RC3H1: variants seen among roughly 807,000 people sequenced by gnomAD.
The protein encoded by RC3H1 is ring finger and CCCH-type domains 1, also known as roquin-1.
Under a neutral mutation model 138.2 loss-of-function variants are expected in RC3H1, and 50 were observed. The observed-to-expected ratio is 0.36, with a 90% confidence interval of 0.29 to 0.46. The LOEUF (loss-of-function observed/expected upper bound fraction) is 0.46, where lower values mean the gene tolerates loss of function less well. RC3H1 is among the 20% of genes least tolerant of loss of function. The probability of loss-of-function intolerance (pLI) is 1.00; values close to 1 mark genes in which losing one functional copy is unlikely to be tolerated. For synonymous variants in RC3H1, 462 were observed against 489.1 expected (o/e 0.94, Z 0.73); for missense variants, 1,031 against 1,388.1 (o/e 0.74, Z 4.09).
chr1:174,013,426 T>C (rs1557953954), intron 1 of RC3H1, among the ~76,000 whole-genome samples: 4 of 151,734 alleles, frequency 2.6e-5, no homozygotes, highest in Middle Eastern at 3.4e-3. Flanking sequence ...ATCCATACAA[T>C]GGAATATTAT....
At position 174,015,364 on chromosome 1, in the gene RC3H1, T is replaced by C. The variant is rs1279593488; in HGVS notation, c.-151+6732A>G. Among the ~76,000 whole-genome samples, 4 of 148,596 alleles carry C rather than the reference T, an allele frequency of 2.7e-5. No homozygotes were observed. In the East Asian group the frequency reaches 6.0e-4, roughly 22 times the overall value. On this transcript the variant is annotated intron_variant, in intron 1 of 19. Transcript: ENST00000367696. ...TCTGTTTCATTCAAAAGTTTTCCAC[T>C]ACACTTTTTTTTTTTTTGAGACAAG...
intron 7 of RC3H1, among the ~76,000 whole-genome samples, chr1:173,973,832 A>G (rs1660464239): frequency 6.6e-6 from 1 of 152,222 alleles, no homozygotes; most frequent in South Asian, 2.1e-4. Flanking sequence ...CAAGTATTCA[A>G]AAAAGTAGTT....
intron 7 of RC3H1, among the ~76,000 whole-genome samples, chr1:173,972,935 C>T (rs1310458594): frequency 6.6e-6 from 1 of 152,206 alleles, no homozygotes; most frequent in Admixed American, 6.5e-5. Context: ...GTGACAGGGA[C>T]TGCTGAACTG....
At chr1:173,947,619 C>G in intron 14 of RC3H1, 37 bp from the exon 15 acceptor site, 1 of 1,529,512 alleles carries the variant, frequency 6.5e-7, no homozygotes, top group South Asian at 1.1e-5. Context: ...ACCCCACACT[C>G]AGATCGCTCT....
intron 13 of RC3H1, among the ~76,000 whole-genome samples, chr1:173,955,890 G>A (rs1362893198): frequency 1.3e-5 from 2 of 152,070 alleles, no homozygotes; most frequent in Non-Finnish European, 2.9e-5. Flanking sequence ...CAACACTTTG[G>A]GAGGCCGAGG....
chr1:173,974,138 G>C (rs1460060190), intron 7 of RC3H1, among the ~76,000 whole-genome samples: 1 of 151,894 alleles, frequency 6.6e-6, no homozygotes, highest in African/African-American at 2.4e-5. Flanking sequence ...AAATTAGCTG[G>C]GCATGGTGGC....
At chr1:173,963,608 A>C (rs1247480144) in intron 11 of RC3H1, among the ~76,000 whole-genome samples, 1 of 152,164 alleles carries the variant, frequency 6.6e-6, no homozygotes, top group African/African-American at 2.4e-5. Flanking sequence ...TAATTTACAC[A>C]CACTATAATA....
chr1:173,962,039 A>G lies in RC3H1; in HGVS notation c.1888T>C (p.Ser630Pro), dbSNP rs1162578990. The part of the protein sequence containing the change: ...CVSRFVRPPP[S>P]APEPAPPYLD... ...TAGGGAGGAGCAGGTTCAGGAGCAG[A>G]TGGTGGAGGTCGGACAAAGCGGGAC... Residue 630 changes from serine to proline, a missense_variant, in exon 12 of 20, where the codon TCT (serine) becomes CCT (proline). Physicochemically the swap from Ser to Pro is moderately conservative, Grantham distance 74 (BLOSUM62 -1). Coordinates refer to ENST00000367696, the MANE Select transcript of RC3H1 (RefSeq NM_172071.4). 6.2e-7 allele frequency: 1 copy of G among 1,614,066 alleles called. No homozygotes were observed.
intron 14 of RC3H1, among the ~76,000 whole-genome samples, chr1:173,950,420 CAAA>C (rs60259705): frequency 6.3e-5 from 4 of 63,648 alleles, no homozygotes; most frequent in East Asian, 5.6e-4. Flanking sequence ...TCATCTCTAC[CAAA>C]AAAAAAAAAA....
intron 9 of RC3H1, among the ~76,000 whole-genome samples, chr1:173,968,908 G>A (rs1444240853): frequency 1.4e-5 from 2 of 143,046 alleles, no homozygotes; most frequent in Non-Finnish European, 3.0e-5. Context: ...GTTCAGGCTG[G>A]AGTGCTACGG....
chr1:173,952,262 CATA>C, intron 13 of RC3H1, 124 bp from the exon 14 acceptor site: 1 of 514,898 alleles, frequency 1.9e-6, no homozygotes, highest in Non-Finnish European at 3.0e-6. Context: ...GCTGAAGCAA[CATA>C]ATGATGATTA....
At position 173,941,666 on chromosome 1, in the gene RC3H1, C is replaced by T. The variant is rs563876132; in HGVS notation, c.3136-286G>A. Among the ~76,000 whole-genome samples the T allele has an allele frequency of 1.1e-3, 175 of 152,282 alleles. 1 individual carries two copies. The highest frequency in any genetic ancestry group is 4.1e-3 in the African/African-American group (171 of 41,570). ...GACCTAGAAAGGCGGCCAGGCATGG[C>T]GGCTCACGCCTGTAATACCAGCAGT... is the stretch of plus-strand genomic sequence containing the variant. On this transcript the variant is annotated intron_variant, in intron 18 of 19. Coordinates refer to ENST00000367696, the MANE Select transcript of RC3H1 (RefSeq NM_172071.4).
At chr1:173,939,951 ATG>A (rs1436097290) in intron 19 of RC3H1, among the ~76,000 whole-genome samples, 4 of 152,248 alleles carry the variant, frequency 2.6e-5, no homozygotes, top group African/African-American at 4.8e-5. Flanking sequence ...ACTTAGGACT[ATG>A]CATTCAAAAG....
Position 173,990,356 on chromosome 1 carries a change from G to A in RC3H1, c.231+2399C>T, listed in dbSNP as rs114551718. Among the ~76,000 whole-genome samples the A allele has an allele frequency of 7.8e-3, 1,182 of 151,954 alleles. 14 individuals are homozygous for A. Among genetic ancestry groups the A allele is most frequent in the African/African-American group, 0.027 (1,131 of 41,460 alleles). ...GGCCTCCCAAACTATTGGGATTATA[G>A]GCATGAGCCACTGCACCCGGTCTAA... On this transcript the variant is annotated intron_variant, in intron 2 of 19. Coordinates refer to ENST00000367696, the MANE Select transcript of RC3H1 (RefSeq NM_172071.4).
intron 7 of RC3H1, among the ~76,000 whole-genome samples, chr1:173,973,364 C>T (rs1298658082): frequency 6.6e-6 from 1 of 151,902 alleles, no homozygotes; most frequent in South Asian, 2.1e-4. Flanking sequence ...TGTGAAACCC[C>T]GTCTCCACTA....
In RC3H1 at chr1:173,938,679, A is replaced by C; in HGVS notation, c.*42T>G. On this transcript the variant is annotated 3_prime_UTR_variant, in exon 20 of 20. Coordinates refer to ENST00000367696, the MANE Select transcript of RC3H1 (RefSeq NM_172071.4). ...CGTTCTCCTACCCCTATGCCCGACA[A>C]ACTGATTAGGAGCAGAAGATAAAAG... is the stretch of plus-strand genomic sequence containing the variant. The C allele has an allele frequency of 6.7e-7, 1 of 1,501,646 alleles. No homozygotes were observed. The highest frequency in any genetic ancestry group is 9.0e-7 in the Non-Finnish European group (1 of 1,108,500). 93.0% of individuals were successfully genotyped at this position (1,501,646 alleles called of 1,614,324 possible). A position where few individuals can be genotyped will look rare whatever the true frequency, so the allele number is the denominator to read the frequency against.
intron 1 of RC3H1, among the ~76,000 whole-genome samples, chr1:174,006,651 T>C (rs953313298): frequency 6.6e-6 from 1 of 152,164 alleles, no homozygotes; most frequent in African/African-American, 2.4e-5. Flanking sequence ...ATGATGCCTG[T>C]TTTGGGTTTA....
At chr1:173,962,384 C>CA (rs1246153315) in intron 11 of RC3H1, among the ~76,000 whole-genome samples, 1 of 151,944 alleles carries the variant, frequency 6.6e-6, no homozygotes, top group Non-Finnish European at 1.5e-5. Flanking sequence ...CACTGGAAAA[C>CA]AAAAAAACTA....
chr1:174,020,175 G>A lies in RC3H1; in HGVS notation c.-151+1921C>T, dbSNP rs1410119428. On this transcript the variant is annotated intron_variant, in intron 1 of 19. Transcript: ENST00000367696. ...TCACAGATTTGAGCACCTGAAAAAC[G>A]GTGTCCTTTCTGAAATATCTGCAAA... 2.7e-5 allele frequency among the ~76,000 whole-genome samples: 4 copies of A among 149,112 alleles called. 1 individual carries two copies. Among genetic ancestry groups the A allele is most frequent in the Admixed American group, 2.0e-4 (3 of 15,014 alleles).
Sources: allele counts gnomAD v4.1 joint callset (sites outside exome capture counted in the v4.1 genomes callset), GRCh38; gene constraint gnomAD v4.1.1; transcripts MANE v1.5; gene names NCBI Gene and HGNC (gene_info 2026-07-23, HGNC 2026-07-21).